The following TMEM132C variants were observed in gnomAD, a reference collection of about 807,000 sequenced individuals.
The protein encoded by TMEM132C is protein phosphatase 1, regulatory subunit 152.
TMEM132C carries 29 observed loss-of-function variants against 61.4 expected under a neutral mutation model. The ratio of observed to expected loss-of-function variants is 0.47; its 90% confidence interval spans 0.35 to 0.64. The LOEUF (loss-of-function observed/expected upper bound fraction) is 0.64, where lower values mean the gene tolerates loss of function less well. Ranked by LOEUF, TMEM132C falls within the 30% of genes least tolerant of loss-of-function variation. TMEM132C has a pLI of 0.00. For missense variants in TMEM132C, 1,408 were observed against 1,476.9 expected (o/e 0.95, Z 0.76); for synonymous variants, 656 against 633.1 (o/e 1.04, Z -0.54).
At chr12:128,480,212 A>G (rs1871275635) in intron 2 of TMEM132C, among the ~76,000 whole-genome samples, 1 of 152,152 alleles carries the variant, frequency 6.6e-6, no homozygotes, top group South Asian at 2.1e-4. Flanking sequence ...GTGAGATACG[A>G]TTGTGCCACT....
intron 3 of TMEM132C, among the ~76,000 whole-genome samples, chr12:128,604,800 T>C (rs904233389): frequency 6.7e-6 from 1 of 148,522 alleles, no homozygotes; most frequent in Non-Finnish European, 1.5e-5. Context: ...AGATAGTAGA[T>C]AGATGATGGA....
chr12:128,386,494 T>C (rs955125355), intron 1 of TMEM132C, among the ~76,000 whole-genome samples: 5 of 152,100 alleles, frequency 3.3e-5, no homozygotes, highest in Non-Finnish European at 2.9e-5. Context: ...ACCCAGACCC[T>C]GCCTGGTCTC....
intron 3 of TMEM132C, among the ~76,000 whole-genome samples, chr12:128,547,450 G>C (rs1035711279): frequency 6.6e-6 from 1 of 151,266 alleles, no homozygotes; most frequent in African/African-American, 2.4e-5. Flanking sequence ...TGTAGTCCCA[G>C]CTACTCGGGA....
At chr12:128,596,087 C>A (rs1374201651) in intron 3 of TMEM132C, among the ~76,000 whole-genome samples, 1 of 151,152 alleles carries the variant, frequency 6.6e-6, no homozygotes, top group Non-Finnish European at 1.5e-5. Context: ...GGTACAGAGG[C>A]AGCAGGGCTT....
chr12:128,439,494 C>A (rs1216066883), intron 2 of TMEM132C, among the ~76,000 whole-genome samples: 6 of 152,142 alleles, frequency 3.9e-5, no homozygotes, highest in Non-Finnish European at 7.3e-5. Context: ...GACTTATTAT[C>A]CAGGAAAAAG....
intron 2 of TMEM132C, among the ~76,000 whole-genome samples, chr12:128,456,507 A>G (rs1870350517): frequency 6.8e-6 from 1 of 146,726 alleles, no homozygotes; most frequent in Non-Finnish European, 1.5e-5. Flanking sequence ...CCCAGGCTCA[A>G]GTGATTCTCC....
At chr12:128,374,946 G>A (rs1874144307) in intron 1 of TMEM132C, among the ~76,000 whole-genome samples, 1 of 134,356 alleles carries the variant, frequency 7.4e-6, no homozygotes, top group South Asian at 2.5e-4. Flanking sequence ...AAATGCTGCA[G>A]GATAGAGACA....
intron 1 of TMEM132C, among the ~76,000 whole-genome samples, chr12:128,359,518 C>T (rs1343917665): frequency 6.6e-6 from 1 of 152,138 alleles, no homozygotes; most frequent in Non-Finnish European, 1.5e-5. Context: ...ATGTCATTTG[C>T]CTTTTTGAGG....
chr12:128,521,397 A>C (rs546399856), intron 2 of TMEM132C, among the ~76,000 whole-genome samples: 3 of 151,626 alleles, frequency 2.0e-5, no homozygotes, highest in Admixed American at 6.6e-5. Context: ...TGCTGCACCC[A>C]TCAACTCATC....
At chr12:128,375,866 G>A (rs997847883) in intron 1 of TMEM132C, among the ~76,000 whole-genome samples, 1 of 152,212 alleles carries the variant, frequency 6.6e-6, no homozygotes, top group Admixed American at 6.5e-5. Context: ...AGGCAAGAGC[G>A]AGGGTGGCAT....
In TMEM132C at chr12:128,307,232, T is replaced by C. The variant is rs772268046; in HGVS notation, c.85+39745T>C. Among the ~76,000 whole-genome samples the C allele has an allele frequency of 5.9e-5, 9 of 152,294 alleles. 1 individual carries two copies. The highest frequency in any genetic ancestry group is 5.9e-5 in the Non-Finnish European group (4 of 68,026). On this transcript the variant is annotated intron_variant, in intron 1 of 8. Transcript: ENST00000435159. ...ACCCTCCCTCTTAGACTGGACATAA[T>C]TGGGGGAGAAGTAATAGCTTCTTCT...
At chr12:128,435,421 C>T (rs1869549241) in intron 2 of TMEM132C, among the ~76,000 whole-genome samples, 1 of 152,204 alleles carries the variant, frequency 6.6e-6, no homozygotes. Context: ...AGCTCAAAAT[C>T]TCCTTAAGCT....
At chr12:128,457,186 C>CT (rs974562897) in intron 2 of TMEM132C, among the ~76,000 whole-genome samples, 20 of 151,580 alleles carry the variant, frequency 1.3e-4, no homozygotes, top group Admixed American at 8.6e-4. Flanking sequence ...ATATTTTTCA[C>CT]TTTTTTTAGG....
Position 128,302,943 on chromosome 12 carries a change from C to T in TMEM132C, c.85+35456C>T, listed in dbSNP as rs528132859. On this transcript the variant is annotated intron_variant, in intron 1 of 8. Transcript: ENST00000435159. ...TACCTCAAATAAGGTTCACAGCCAA[C>T]AACTTGGGAAGCATCTTTGCACCCT... 3.8e-4 allele frequency among the ~76,000 whole-genome samples: 58 copies of T among 152,308 alleles called. 1 individual carries two copies. Among genetic ancestry groups the T allele is most frequent in the African/African-American group, 1.2e-3 (49 of 41,572 alleles).
chr12:128,284,481 A>C (rs1397364910), intron 1 of TMEM132C, among the ~76,000 whole-genome samples: 2 of 152,238 alleles, frequency 1.3e-5, no homozygotes, highest in Non-Finnish European at 2.9e-5. Flanking sequence ...GGTCCTTGGC[A>C]CATGTGCTGT....
chr12:128,420,409 T>C (rs1868948011), intron 2 of TMEM132C, among the ~76,000 whole-genome samples: 1 of 152,066 alleles, frequency 6.6e-6, no homozygotes, highest in South Asian at 2.1e-4. Context: ...GCTTGGTTTG[T>C]TACAGGAACA....
At chr12:128,298,187 T>G (rs916800324) in intron 1 of TMEM132C, among the ~76,000 whole-genome samples, 2 of 152,228 alleles carry the variant, frequency 1.3e-5, no homozygotes, top group African/African-American at 4.8e-5. Context: ...GTTATTCCCT[T>G]GCTTAAGACC....
At chr12:128,704,549 C>G (rs902403430) in intron 8 of TMEM132C, among the ~76,000 whole-genome samples, 2 of 152,216 alleles carry the variant, frequency 1.3e-5, no homozygotes, top group Non-Finnish European at 2.9e-5. Flanking sequence ...GTTTCTCAGG[C>G]AAAGCTTAAT....
At chr12:128,585,186 G>A (rs758979583) in intron 3 of TMEM132C, among the ~76,000 whole-genome samples, 3 of 152,204 alleles carry the variant, frequency 2.0e-5, no homozygotes, top group South Asian at 2.1e-4. Context: ...CACCACACAC[G>A]TGAAAAAATG....
Sources: allele counts gnomAD v4.1 joint callset (sites outside exome capture counted in the v4.1 genomes callset), GRCh38; gene constraint gnomAD v4.1.1; transcripts MANE v1.5; gene names NCBI Gene and HGNC (gene_info 2026-07-23, HGNC 2026-07-21).